Variants in ARHGAP23 observed in about 807,000 individuals in gnomAD.
The protein encoded by ARHGAP23 is rho GTPase-activating protein 23.
A neutral mutation model predicts 136.3 loss-of-function variants in ARHGAP23; 34 were observed. The ratio of observed to expected loss-of-function variants is 0.25; its 90% CI spans 0.19 to 0.33. The LOEUF is 0.33. ARHGAP23 is among the 10% of genes least tolerant of loss of function. The probability of loss-of-function intolerance (pLI) is 1.00; values close to 1 mark genes in which losing one functional copy is unlikely to be tolerated. For synonymous variants in ARHGAP23, 832 were observed against 920.5 expected, an observed-to-expected ratio of 0.90 and a Z score of 1.74; for missense variants, 1,808 against 2,139.0, an observed-to-expected ratio of 0.85 and a Z score of 3.05.
rs1202758996 is a variant in ARHGAP23, at chr17:38,471,849, T to G, written c.1975-14T>G. On this transcript the variant is annotated splice_polypyrimidine_tract_variant and intron_variant, in intron 10 of 23. Coordinates refer to ENST00000622683, the MANE Select transcript of ARHGAP23 (RefSeq NM_001199417.2). ...GGGAGCCACCCTAAATTGTCCTCTG[T>G]TGTCTCCCTGCAGTCCTTGGATAGC... 3.2e-5 allele frequency: 49 copies of G among 1,527,432 alleles called. No individual in the cohort carries two copies. Among genetic ancestry groups the G allele is most frequent in the Admixed American group, 1.7e-4 (8 of 47,096 alleles). 94.6% of individuals were successfully genotyped at this position (1,527,432 alleles called of 1,614,324 possible). A position where few individuals can be genotyped will look rare whatever the true frequency, so the allele number is the denominator to read the frequency against.
intron 1 of ARHGAP23, among the ~76,000 whole-genome samples, chr17:38,437,511 G>A (rs971823122): frequency 2.0e-5 from 3 of 151,918 alleles, no homozygotes; most frequent in African/African-American, 7.3e-5. Flanking sequence ...CAGCTACTCG[G>A]GAGGCTGAGC....
chr17:38,511,070 G>A lies in ARHGAP23; in HGVS notation c.*98G>A. The stretch of plus-strand genomic sequence containing the variant: ...TGCACCTCCTCTTCTGTGGCCCCTG[G>A]GTGCATGGTGTGGGTGGAGGGCGCA... On this transcript the variant is annotated 3_prime_UTR_variant, in exon 24 of 24. Transcript: ENST00000622683. The A allele has an allele frequency of 8.0e-7, 1 of 1,255,112 alleles. No homozygotes were observed. Among genetic ancestry groups the A allele is most frequent in the Non-Finnish European group, 1.0e-6 (1 of 969,542 alleles). The allele number at this position is 1,255,112 out of a possible 1,614,324, so 77.7% of individuals were successfully genotyped here. A position where few individuals can be genotyped will look rare whatever the true frequency, so the allele number is the denominator to read the frequency against.
chr17:38,485,968 C>T (rs2040151144), intron 16 of ARHGAP23, 94 bp from the exon 17 acceptor site: 6 of 1,206,058 alleles, frequency 5.0e-6, no homozygotes, highest in Non-Finnish European at 7.1e-6. Flanking sequence ...CAGGGAGGGC[C>T]TGGTGGGCTT....
intron 1 of ARHGAP23, among the ~76,000 whole-genome samples, chr17:38,435,897 G>C (rs1187064900): frequency 6.6e-6 from 1 of 152,216 alleles, no homozygotes; most frequent in Non-Finnish European, 1.5e-5. Context: ...CACCGTGCCT[G>C]GCCTGGGAAG....
intron 1 of ARHGAP23, among the ~76,000 whole-genome samples, chr17:38,434,815 C>T (rs1179963814): frequency 1.3e-5 from 2 of 152,188 alleles, no homozygotes; most frequent in Non-Finnish European, 2.9e-5. Context: ...TGGAAAGAAT[C>T]GGGTGTGGAC....
intron 13 of ARHGAP23, 40 bp downstream of exon 13, chr17:38,479,537 G>A (rs1464565919): frequency 6.5e-7 from 1 of 1,538,210 alleles, no homozygotes; most frequent in Non-Finnish European, 8.8e-7. Context: ...CTCTGTGGGG[G>A]TGGTAGGGGG....
In ARHGAP23 at chr17:38,490,061, C is replaced by T. The variant is rs1012297749; in HGVS notation, c.2987-41C>T. 1.9e-5 allele frequency: 29 copies of T among 1,540,258 alleles called. No individual in the cohort carries two copies. The African/African-American group carries it at 2.3e-4, about 12-fold the overall frequency. On this transcript the variant is annotated intron_variant, in intron 17 of 23. Transcript: ENST00000622683. ...CCTTGGCCGGGAGAACAGGGGAAGG[C>T]GCTGCCCCCACCTCTCTAAAGAGTC...
chr17:38,468,334 C>T (rs2039661835), intron 7 of ARHGAP23, among the ~76,000 whole-genome samples: 1 of 152,112 alleles, frequency 6.6e-6, no homozygotes, highest in Non-Finnish European at 1.5e-5. Flanking sequence ...GGGTGATGCC[C>T]AGGTTTCTGG....
intron 1 of ARHGAP23, among the ~76,000 whole-genome samples, chr17:38,438,199 T>C (rs2038845329): frequency 6.6e-6 from 1 of 151,940 alleles, no homozygotes; most frequent in African/African-American, 2.4e-5. Context: ...CATGCGCCTT[T>C]AGTCCCAGCT....
chr17:38,441,845 C>T (rs1274040013), intron 1 of ARHGAP23, among the ~76,000 whole-genome samples: 2 of 152,240 alleles, frequency 1.3e-5, no homozygotes, highest in East Asian at 1.9e-4. Context: ...GGGCTTGGCA[C>T]GTTGCAGAAC....
chr17:38,492,717 C>G (rs988891533), intron 20 of ARHGAP23, among the ~76,000 whole-genome samples: 1 of 152,196 alleles, frequency 6.6e-6, no homozygotes, highest in Admixed American at 6.5e-5. Context: ...GGGCTCCGAG[C>G]CACAGGAGGG....
At chr17:38,444,217 A>T (rs1016907748) in intron 1 of ARHGAP23, among the ~76,000 whole-genome samples, 2 of 151,956 alleles carry the variant, frequency 1.3e-5, no homozygotes, top group African/African-American at 2.4e-5. Context: ...AGGTTGAGGG[A>T]ATGAGGACCC....
chr17:38,466,348 C>T lies in ARHGAP23; in HGVS notation c.665C>T (p.Pro222Leu). The T allele has an allele frequency of 6.5e-7, 1 of 1,542,456 alleles. No individual in the cohort carries two copies. The highest frequency in any genetic ancestry group is 8.7e-7 in the Non-Finnish European group (1 of 1,146,014). The change falls in exon 7 of 24, where the codon CCT (proline) becomes CTT (leucine). Residue 222 changes from proline to leucine, a missense_variant. Coordinates refer to ENST00000622683, the MANE Select transcript of ARHGAP23 (RefSeq NM_001199417.2). ...TSALPSDPRS[P>L]AAWSDPGLRV... ...GCACTGCCCAGTGACCCCCGGAGTC[C>T]TGCTGCCTGGAGTGACCCGGGGCTC... is the stretch of plus-strand genomic sequence containing the variant.
chr17:38,498,350 C>T, intron 21 of ARHGAP23, 64 bp from the exon 22 acceptor site: 6 of 1,360,858 alleles, frequency 4.4e-6, no homozygotes, highest in Non-Finnish European at 6.0e-6. Flanking sequence ...AGGGCACCCC[C>T]CTCTGGGGGG....
intron 10 of ARHGAP23, among the ~76,000 whole-genome samples, chr17:38,471,618 G>A (rs2039760606): frequency 6.6e-6 from 1 of 152,200 alleles, no homozygotes. Flanking sequence ...CTGTAGTGTG[G>A]TGAGGCGTGT....
At chr17:38,445,610 G>A (rs924512450) in intron 1 of ARHGAP23, among the ~76,000 whole-genome samples, 6 of 151,460 alleles carry the variant, frequency 4.0e-5, no homozygotes, top group African/African-American at 1.2e-4. Flanking sequence ...CACCGTAAGT[G>A]GAATAATATA....
At chr17:38,444,851 C>T (rs2038996754) in intron 1 of ARHGAP23, among the ~76,000 whole-genome samples, 1 of 151,038 alleles carries the variant, frequency 6.6e-6, no homozygotes, top group African/African-American at 2.4e-5. Context: ...GAGTTTTGCT[C>T]TTGCCGTCCA....
chr17:38,425,436 C>G (rs189882146), upstream of ARHGAP23, among the ~76,000 whole-genome samples: 153 of 152,292 alleles, frequency 1.0e-3, no homozygotes, highest in African/African-American at 3.6e-3. Context: ...GCTGGGAGTT[C>G]TTTATAGAGT....
chr17:38,486,232 C>CTT (rs71138626), intron 17 of ARHGAP23, 92 bp downstream of exon 17: 88 of 797,974 alleles, frequency 1.1e-4, no homozygotes, highest in African/African-American at 3.4e-4. Flanking sequence ...TGGTTTTACT[C>CTT]TTTTTTTTTT....
Sources: gnomAD v4.1 joint callset for allele counts (sites outside exome capture counted in the v4.1 genomes callset) on GRCh38, gnomAD v4.1.1 for gene constraint, MANE v1.5 for transcripts, NCBI Gene and HGNC (gene_info 2026-07-23, HGNC 2026-07-21) for gene names.